DOCK1: variants seen among roughly 807,000 people sequenced by gnomAD.
DOCK1 encodes the protein dedicator of cytokinesis protein 1.
In DOCK1, 138 loss-of-function variants were observed where a neutral mutation model predicts 262.7. The ratio of observed to expected loss-of-function variants is 0.53; its 90% CI spans 0.46 to 0.61. DOCK1 has a LOEUF of 0.61. DOCK1 is among the 20% of genes least tolerant of loss of function. DOCK1 has a pLI of 0.00. For missense variants in DOCK1, 1,908 were observed against 2,370.7 expected (o/e 0.80, Z 4.05); for synonymous variants, 866 against 867.4 (o/e 1.00, Z 0.03).
intron 1 of DOCK1, among the ~76,000 whole-genome samples, chr10:126,967,763 A>G (rs1226359708): frequency 2.6e-5 from 4 of 152,038 alleles, no homozygotes; most frequent in African/African-American, 9.7e-5. Context: ...TTGTGATTAC[A>G]TTGGGCCCAC....
chr10:127,203,607 G>C (rs917190752), intron 27 of DOCK1, among the ~76,000 whole-genome samples: 2 of 150,168 alleles, frequency 1.3e-5, no homozygotes, highest in African/African-American at 4.9e-5. Context: ...GATGACCTCT[G>C]AGTTCCTGGA....
At chr10:127,120,316 A>G (rs1037756311) in intron 25 of DOCK1, among the ~76,000 whole-genome samples, 1 of 152,232 alleles carries the variant, frequency 6.6e-6, no homozygotes, top group Non-Finnish European at 1.5e-5. Context: ...CAAGGTCTTT[A>G]ACATCGGCTT....
At chr10:127,195,844 G>A (rs1353641877) in intron 27 of DOCK1, among the ~76,000 whole-genome samples, 3 of 152,172 alleles carry the variant, frequency 2.0e-5, no homozygotes, top group Admixed American at 2.0e-4. Flanking sequence ...GGGTGTCCCG[G>A]CCCCGGGAGC....
At chr10:127,246,501 C>T (rs2059435674) in intron 27 of DOCK1, among the ~76,000 whole-genome samples, 1 of 152,192 alleles carries the variant, frequency 6.6e-6, no homozygotes. Flanking sequence ...CAAAAGTTCA[C>T]AAATTTTGCC....
At chr10:127,386,898 G>A (rs142885590) in intron 38 of DOCK1, among the ~76,000 whole-genome samples, 380 of 152,256 alleles carry the variant, frequency 2.5e-3, no homozygotes, top group African/African-American at 8.6e-3. Flanking sequence ...GAGGATTAGG[G>A]CCAATTACTA....
At chr10:127,282,395 C>A (rs2060994826) in intron 29 of DOCK1, among the ~76,000 whole-genome samples, 1 of 152,160 alleles carries the variant, frequency 6.6e-6, no homozygotes, top group Non-Finnish European at 1.5e-5. Flanking sequence ...ACTTGCATCT[C>A]CGAGGTCCTG....
At chr10:127,392,863 A>T (rs75273175) in intron 38 of DOCK1, among the ~76,000 whole-genome samples, 2,050 of 152,272 alleles carry the variant, frequency 0.013, 18 homozygotes, top group Non-Finnish European at 0.022. Context: ...CTTTAGCACG[A>T]CATTCACTGC....
intron 1 of DOCK1, among the ~76,000 whole-genome samples, chr10:126,963,968 G>C (rs2037475670): frequency 6.6e-6 from 1 of 152,094 alleles, no homozygotes; most frequent in South Asian, 2.1e-4. Flanking sequence ...TTTGAAGATA[G>C]AGTTTAGGAA....
At chr10:126,949,104 C>T (rs1363185513) in intron 1 of DOCK1, among the ~76,000 whole-genome samples, 1 of 152,244 alleles carries the variant, frequency 6.6e-6, no homozygotes, top group East Asian at 1.9e-4. Flanking sequence ...GGGGGAGGTG[C>T]ATCCTGCCCT....
chr10:127,084,962 A>G (rs945104722), intron 23 of DOCK1, among the ~76,000 whole-genome samples: 3 of 152,160 alleles, frequency 2.0e-5, no homozygotes, highest in African/African-American at 7.2e-5. Flanking sequence ...AAGACTGGAA[A>G]TCTTGCCTTT....
rs559239243 is a variant in DOCK1 at position 126,978,676 on chromosome 10, C to T, written c.171+688C>T. Reference sequence around the variant, plus strand: ...CTGTGGTTGGGCTGTCCACGTTACCCAATATGTTTTAATATCTAATTATGT... The same window carrying T: ...CTGTGGTTGGGCTGTCCACGTTACCTAATATGTTTTAATATCTAATTATGT... On this transcript the variant is annotated intron_variant, in intron 3 of 51. Transcript: ENST00000623213. Among the ~76,000 whole-genome samples the T allele has an allele frequency of 3.3e-5, 5 of 152,214 alleles. No individual in the cohort carries two copies. In the East Asian group the frequency reaches 5.8e-4, roughly 18 times the overall value.
intron 29 of DOCK1, among the ~76,000 whole-genome samples, chr10:127,314,220 T>C (rs1026706674): frequency 2.0e-5 from 3 of 152,222 alleles, no homozygotes; most frequent in African/African-American, 7.2e-5. Flanking sequence ...TGGAAATGTT[T>C]CCTTTGTGGG....
Position 127,166,337 on chromosome 10 carries a change from T to C in DOCK1, c.2847+38573T>C, listed in dbSNP as rs183159975. Among the ~76,000 whole-genome samples, 834 of 152,178 alleles carry C rather than the reference T, an allele frequency of 5.5e-3. 9 individuals are homozygous for C. Among genetic ancestry groups the C allele is most frequent in the African/African-American group, 0.019 (791 of 41,508 alleles). ...ACCTCGGCCTCCCAAAGTGCTGGGA[T>C]TACAGGCGTGAGCCACCGCGCCCGG... On this transcript the variant is annotated intron_variant, in intron 27 of 51. Transcript: ENST00000623213.
chr10:127,070,250 CTTTTTTTTT>C (rs71032535), intron 23 of DOCK1, among the ~76,000 whole-genome samples: 2 of 92,948 alleles, frequency 2.2e-5, no homozygotes, highest in African/African-American at 4.2e-5. Context: ...GAATTTAGCC[CTTTTTTTTT>C]TTTTTTTTTT....
chr10:127,320,241 A>T (rs2062459833), intron 29 of DOCK1, among the ~76,000 whole-genome samples: 1 of 146,166 alleles, frequency 6.8e-6, no homozygotes, highest in Non-Finnish European at 1.5e-5. Flanking sequence ...AGGGGTCATT[A>T]AAAAAAAAGA....
intron 23 of DOCK1, among the ~76,000 whole-genome samples, chr10:127,071,232 C>G (rs1235209148): frequency 2.0e-5 from 3 of 152,154 alleles, no homozygotes; most frequent in African/African-American, 7.2e-5. Context: ...TCTGAACTCA[C>G]CAGGTGCTGC....
At chr10:126,966,241 C>T (rs2037669060) in intron 1 of DOCK1, among the ~76,000 whole-genome samples, 1 of 152,232 alleles carries the variant, frequency 6.6e-6, no homozygotes, top group African/African-American at 2.4e-5. Flanking sequence ...ATATATACCA[C>T]ATTTTTTTGT....
At chr10:127,425,370 G>A (rs367907671) in intron 46 of DOCK1, among the ~76,000 whole-genome samples, 2 of 152,332 alleles carry the variant, frequency 1.3e-5, no homozygotes, top group South Asian at 2.1e-4. Context: ...TGTGACAGCA[G>A]TGTCGCAGAG....
At chr10:126,953,361 T>C (rs1041275365) in intron 1 of DOCK1, among the ~76,000 whole-genome samples, 19 of 147,294 alleles carry the variant, frequency 1.3e-4, no homozygotes, top group Non-Finnish European at 2.3e-4. Flanking sequence ...TGTGGTAGTA[T>C]TGTTGGTAGT....
Sources: gnomAD v4.1 joint callset for allele counts (sites outside exome capture counted in the v4.1 genomes callset) on GRCh38, gnomAD v4.1.1 for gene constraint, MANE v1.5 for transcripts, NCBI Gene and HGNC (gene_info 2026-07-23, HGNC 2026-07-21) for gene names.